Variants in TEX15 observed in about 807,000 individuals in gnomAD.
TEX15 encodes testis-expressed protein 15.
In TEX15, 171 loss-of-function variants were observed where a neutral mutation model predicts 237.3. That is an observed-to-expected ratio of 0.72 (90% CI 0.64 to 0.82). TEX15 has a LOEUF of 0.82. Among genes scored for constraint, TEX15 ranks in the 40% least tolerant of loss-of-function variants. The pLI is 0.00. For synonymous variants in TEX15, 1,338 were observed against 1,269.8 expected (o/e 1.05, Z -1.14); for missense variants, 3,750 against 3,646.5 (o/e 1.03, Z -0.73).
Position 30,842,968 on chromosome 8 carries a change from A to C in TEX15, c.7199T>G (p.Ile2400Ser). 1 of 1,610,752 alleles carries C rather than the reference A, an allele frequency of 6.2e-7. No homozygotes were observed. Reference protein sequence around the residue: ...LTLRCTDHLEILKKYFQMLQD... With the variant: ...LTLRCTDHLESLKKYFQMLQD... ...TAGCATCTGAAAGTATTTTTTTAAA[A>C]TTTCTAAGTGATCTGTACATCTCAA... is the stretch of plus-strand genomic sequence containing the variant. The change falls in exon 8 of 11, where the codon ATT becomes AGT. Residue 2400 changes from isoleucine to serine, a missense_variant. Physicochemically the swap from Ile to Ser is moderately radical, Grantham distance 142. Transcript: ENST00000643185.
At chr8:30,879,205 C>T (rs1346930919) in intron 3 of TEX15, among the ~76,000 whole-genome samples, 1 of 152,034 alleles carries the variant, frequency 6.6e-6, no homozygotes, top group East Asian at 1.9e-4. Context: ...AAACGATCTG[C>T]AAATGCTTTT....
chr8:30,895,447 T>C (rs1450471815), intron 2 of TEX15, among the ~76,000 whole-genome samples: 1 of 152,022 alleles, frequency 6.6e-6, no homozygotes, highest in Non-Finnish European at 1.5e-5. Flanking sequence ...AGGATGCCCC[T>C]AAGAGGCTAT....
In TEX15 at chr8:30,867,289, A is replaced by G. The variant is rs751773817; in HGVS notation, c.516T>C (p.Thr172=). Residue 172 remains threonine (T), a synonymous_variant, in exon 5 of 11, where the codon ACT becomes ACC. Transcript: ENST00000643185. ...ALNYSHSQSI[T]VESILIFKVL... ...CCTTAAAAATTAAAATACTTTCTAC[A>G]GTAATGCTTTGACTATGAGAATAAT... is the stretch of plus-strand genomic sequence containing the variant. 2.5e-5 allele frequency: 38 copies of G among 1,495,288 alleles called. No homozygotes were observed. Among genetic ancestry groups the G allele is most frequent in the Non-Finnish European group, 3.3e-5 (37 of 1,110,462 alleles). The allele number at this position is 1,495,288 out of a possible 1,614,324, so 92.6% of individuals were successfully genotyped here. A position where few individuals can be genotyped will look rare whatever the true frequency, so the allele number is the denominator to read the frequency against.
At chr8:30,856,005 G>A (rs186181950) in intron 7 of TEX15, among the ~76,000 whole-genome samples, 3 of 152,100 alleles carry the variant, frequency 2.0e-5, no homozygotes, top group African/African-American at 7.2e-5. Flanking sequence ...TAGTGAAGTG[G>A]TGCCATCTCG....
chr8:30,896,382 T>C (rs1332943329), intron 2 of TEX15, among the ~76,000 whole-genome samples: 1 of 152,204 alleles, frequency 6.6e-6, no homozygotes, highest in African/African-American at 2.4e-5. Flanking sequence ...CACTGCCAAA[T>C]CTCAGTCTTT....
chr8:30,838,362 C>T (rs1015338100), intron 9 of TEX15, among the ~76,000 whole-genome samples: 5 of 152,016 alleles, frequency 3.3e-5, no homozygotes, highest in African/African-American at 7.3e-5. Flanking sequence ...AAAACTATCA[C>T]TAGTCAATTG....
rs2128767634 is a variant in TEX15 at position 30,845,058 on chromosome 8, G to A, written c.5109C>T (p.Gly1703=). ...QNIITGNFLM[G]PLNLTLIASK... ...TTGCTATCAAAGTTAGGTTTAATGG[G>A]CCCATAAGGAAGTTTCCTGTAATAA... Residue 1703 remains glycine (G), a synonymous_variant, in exon 8 of 11, where the codon GGC becomes GGT. Coordinates refer to ENST00000643185, the MANE Select transcript of TEX15 (RefSeq NM_001350162.2). 1 of 1,613,536 alleles carries A rather than the reference G, an allele frequency of 6.2e-7. No individual in the cohort carries two copies. The highest frequency in any genetic ancestry group is 2.2e-5 in the East Asian group (1 of 44,856).
intron 5 of TEX15, among the ~76,000 whole-genome samples, chr8:30,862,648 G>T (rs1043687115): frequency 2.6e-5 from 4 of 152,130 alleles, no homozygotes; most frequent in Non-Finnish European, 5.9e-5. Flanking sequence ...TATGCCACAT[G>T]AACCACTGAT....
intron 10 of TEX15, 21 bp downstream of exon 10, chr8:30,836,782 G>A (rs1465304813): frequency 1.3e-6 from 2 of 1,556,594 alleles, no homozygotes; most frequent in Non-Finnish European, 1.7e-6. Context: ...AATAAAGCAG[G>A]CATTAAAATG....
At chr8:30,903,388 C>T (rs1563279585) in intron 1 of TEX15, among the ~76,000 whole-genome samples, 1 of 152,198 alleles carries the variant, frequency 6.6e-6, no homozygotes, top group Non-Finnish European at 1.5e-5. Flanking sequence ...GGGGTTAGGA[C>T]TCCCTTGGTT....
Position 30,848,719 on chromosome 8 carries a change from A to AT in TEX15, c.1447_1448insA (p.Val483AspfsTer4). 1.2e-6 allele frequency: 2 copies of AT among 1,614,176 alleles called. No homozygotes were observed. Among genetic ancestry groups the AT allele is most frequent in the Non-Finnish European group, 1.7e-6 (2 of 1,180,030 alleles). On this transcript the variant is annotated frameshift_variant, in exon 8 of 11. Coordinates refer to ENST00000643185, the MANE Select transcript of TEX15 (RefSeq NM_001350162.2). LOFTEE classifies it high-confidence loss of function. ...AGTAAGAACAGCACAATCACCAGGG[A>AT]CAACTTCTGAGGAGGAGGCAGAATT...
chr8:30,899,226 G>A (rs1211091808), intron 1 of TEX15, among the ~76,000 whole-genome samples: 1 of 152,122 alleles, frequency 6.6e-6, no homozygotes, highest in Admixed American at 6.5e-5. Flanking sequence ...AATCACTGCA[G>A]TTATGATACA....
chr8:30,897,945 G>A (rs1013720642), intron 2 of TEX15, among the ~76,000 whole-genome samples: 8 of 152,202 alleles, frequency 5.3e-5, no homozygotes, highest in Non-Finnish European at 1.0e-4. Flanking sequence ...TTACTGGCAT[G>A]AGCCACTAAG....
At chr8:30,909,412 T>TC (rs1448943650) in intron 1 of TEX15, among the ~76,000 whole-genome samples, 5 of 51,252 alleles carry the variant, frequency 9.8e-5, no homozygotes, top group Admixed American at 2.2e-4. Flanking sequence ...CCGCCCCCAC[T>TC]CCCCCCTCAG....
chr8:30,874,512 T>C (rs940016373), intron 4 of TEX15, among the ~76,000 whole-genome samples: 1 of 152,170 alleles, frequency 6.6e-6, no homozygotes, highest in African/African-American at 2.4e-5. Context: ...GTGGAATAGC[T>C]GGAAACAGCT....
chr8:30,910,035 G>A (rs1019699038), intron 1 of TEX15, among the ~76,000 whole-genome samples: 4 of 152,038 alleles, frequency 2.6e-5, no homozygotes, highest in African/African-American at 9.7e-5. Context: ...CATAGCAAAA[G>A]CAGACCAAAG....
chr8:30,836,316 C>T (rs763010805), intron 10 of TEX15, among the ~76,000 whole-genome samples: 4 of 135,060 alleles, frequency 3.0e-5, no homozygotes, highest in Admixed American at 1.7e-4. Flanking sequence ...TGAGTTCAAG[C>T]GATTCTCTTT....
chr8:30,834,984 AATT>A (rs1433638397), intron 10 of TEX15, among the ~76,000 whole-genome samples: 1 of 152,164 alleles, frequency 6.6e-6, no homozygotes, highest in Non-Finnish European at 1.5e-5. Flanking sequence ...TTTTAAAAGA[AATT>A]CTCTGGGCCT....
At chr8:30,860,179 T>C in intron 5 of TEX15, 122 bp from the exon 6 acceptor site, 1 of 886,220 alleles carries the variant, frequency 1.1e-6, no homozygotes, top group Non-Finnish European at 1.6e-6. Flanking sequence ...TCTCACTCTG[T>C]TCAGTCCAGG....
Sources: gnomAD v4.1 joint callset for allele counts (sites outside exome capture counted in the v4.1 genomes callset) on GRCh38, gnomAD v4.1.1 for gene constraint, MANE v1.5 for transcripts, NCBI Gene and HGNC (gene_info 2026-07-23, HGNC 2026-07-21) for gene names.